The following CCNY variants were observed in gnomAD, a reference collection of about 807,000 sequenced individuals.
CCNY encodes the protein cyclin Y, also known as cyclin-Y.
A neutral mutation model predicts 42.8 loss-of-function variants in CCNY; 19 were observed. The ratio of observed to expected loss-of-function variants is 0.44; its 90% CI spans 0.31 to 0.65. The LOEUF is 0.65. Among genes scored for constraint, CCNY ranks in the 30% least tolerant of loss-of-function variants. The probability of loss-of-function intolerance (pLI) is 0.07; values close to 1 mark genes in which losing one functional copy is unlikely to be tolerated. For missense variants in CCNY, 370 were observed against 437.3 expected (o/e 0.85, Z 1.37); for synonymous variants, 165 against 162.7 (o/e 1.01, Z -0.11).
intron 3 of CCNY, among the ~76,000 whole-genome samples, chr10:35,306,542 A>G (rs968799460): frequency 8.5e-5 from 13 of 152,314 alleles, no homozygotes; most frequent in African/African-American, 2.9e-4. Context: ...GCACAAGGGC[A>G]AACCCACACA....
At chr10:35,272,233 T>C (rs927983149) in intron 3 of CCNY, among the ~76,000 whole-genome samples, 5 of 152,044 alleles carry the variant, frequency 3.3e-5, no homozygotes, top group African/African-American at 1.2e-4. Context: ...GTGATCTGCC[T>C]GCCTCGGCCT....
chr10:35,391,153 A>T (rs1837404503), intron 1 of CCNY, among the ~76,000 whole-genome samples: 1 of 152,250 alleles, frequency 6.6e-6, no homozygotes, highest in South Asian at 2.1e-4. Flanking sequence ...TGCTCATTGC[A>T]GATGGAACAA....
chr10:35,438,582 A>G (rs1380405134), intron 1 of CCNY, among the ~76,000 whole-genome samples: 5 of 152,170 alleles, frequency 3.3e-5, no homozygotes, highest in Admixed American at 3.3e-4. Flanking sequence ...ATTTTTGTTT[A>G]TAACAAGTCA....
At chr10:35,350,012 G>A (rs150389943) in intron 1 of CCNY, among the ~76,000 whole-genome samples, 2,031 of 152,300 alleles carry the variant, frequency 0.013, 21 homozygotes, top group Non-Finnish European at 0.022. Context: ...GCTGCCATTA[G>A]CATCAGATTT....
At chr10:35,373,181 C>T (rs753405748) in intron 1 of CCNY, among the ~76,000 whole-genome samples, 8 of 152,172 alleles carry the variant, frequency 5.3e-5, no homozygotes, top group Non-Finnish European at 8.8e-5. Flanking sequence ...CTTCCTGGTG[C>T]GGTTTTGGGT....
intron 3 of CCNY, among the ~76,000 whole-genome samples, chr10:35,270,154 C>G (rs1835145253): frequency 6.6e-6 from 1 of 152,148 alleles, no homozygotes; most frequent in South Asian, 2.1e-4. Flanking sequence ...TCCTCTGCTT[C>G]TGAGCCCTTA....
Position 35,529,934 on chromosome 10 carries a change from C to G in CCNY, c.402-39C>G, listed in dbSNP as rs1255648303. On this transcript the variant is annotated intron_variant, in intron 5 of 9. Transcript: ENST00000374704. ...TTGTTTTATTTGAATGACATTCTTG[C>G]AGAAAGTAAGTTTCATTTTCTATTA... The G allele has an allele frequency of 2.6e-6, 4 of 1,526,748 alleles. No individual in the cohort carries two copies. The Admixed American group carries it at 5.2e-5, about 20-fold the overall frequency. 94.6% of individuals were successfully genotyped at this position (1,526,748 alleles called of 1,614,324 possible). A position where few individuals can be genotyped will look rare whatever the true frequency, so the allele number is the denominator to read the frequency against.
intron 7 of CCNY, among the ~76,000 whole-genome samples, chr10:35,537,012 A>T (rs561755557): frequency 6.6e-6 from 1 of 152,258 alleles, no homozygotes; most frequent in East Asian, 1.9e-4. Flanking sequence ...ACAGGCCTGG[A>T]GGTCTAGGAG....
At chr10:35,312,301 A>G (rs924787672) in intron 3 of CCNY, among the ~76,000 whole-genome samples, 3 of 142,730 alleles carry the variant, frequency 2.1e-5, no homozygotes, top group Admixed American at 1.5e-4. Flanking sequence ...GAATCGCTTG[A>G]GCCCAGGAGG....
intron 1 of CCNY, among the ~76,000 whole-genome samples, chr10:35,379,024 T>C (rs183340704): frequency 6.6e-6 from 1 of 151,730 alleles, no homozygotes; most frequent in Non-Finnish European, 1.5e-5. Context: ...TTGAAAGGAG[T>C]ATGCAGGGTC....
chr10:35,492,143 C>T (rs1471743727), intron 2 of CCNY, among the ~76,000 whole-genome samples: 2 of 152,198 alleles, frequency 1.3e-5, no homozygotes, highest in Admixed American at 1.3e-4. Context: ...CACCTGTCTG[C>T]AAGTGGAGCT....
intron 7 of CCNY, among the ~76,000 whole-genome samples, chr10:35,538,311 T>C (rs1389101140): frequency 2.0e-5 from 3 of 152,236 alleles, no homozygotes; most frequent in African/African-American, 4.8e-5. Flanking sequence ...GCATATGTCT[T>C]CATTTCTTTT....
rs968548797 is a variant in CCNY at position 35,551,098 on chromosome 10, C to T, written c.580-1921C>T. ...AACACACCTACCTAGCTGTGCAAGC[C>T]GGGAGCTGGGGGTCTTCCAGAGCAG... On this transcript the variant is annotated intron_variant, in intron 7 of 9. Coordinates refer to ENST00000374704, the MANE Select transcript of CCNY (RefSeq NM_145012.6). Among the ~76,000 whole-genome samples the T allele has an allele frequency of 3.3e-5, 5 of 152,178 alleles. No homozygotes were observed. The East Asian group carries it at 7.7e-4, about 23-fold the overall frequency.
At chr10:35,490,872 G>A (rs1839881475) in intron 2 of CCNY, among the ~76,000 whole-genome samples, 1 of 152,186 alleles carries the variant, frequency 6.6e-6, no homozygotes, top group African/African-American at 2.4e-5. Flanking sequence ...AAGTTGTGAG[G>A]GAGGAAGGTG....
intron 1 of CCNY, among the ~76,000 whole-genome samples, chr10:35,450,127 A>G (rs939578174): frequency 5.9e-5 from 9 of 151,750 alleles, no homozygotes. Context: ...TAGAGAAGAA[A>G]GCAAGGATGT....
intron 1 of CCNY, among the ~76,000 whole-genome samples, chr10:35,442,468 C>T (rs1838692476): frequency 6.6e-6 from 1 of 152,126 alleles, no homozygotes; most frequent in African/African-American, 2.4e-5. Flanking sequence ...TACAAATTGC[C>T]TGGATAGGAG....
At chr10:35,532,553 T>A (rs1840790586) in intron 7 of CCNY, among the ~76,000 whole-genome samples, 2 of 152,238 alleles carry the variant, frequency 1.3e-5, no homozygotes, top group Admixed American at 6.5e-5. Context: ...ACTAAGTGTA[T>A]TTTTTAGCCT....
intron 1 of CCNY, among the ~76,000 whole-genome samples, chr10:35,362,041 G>GTT (rs766906867): frequency 2.6e-4 from 40 of 152,232 alleles, no homozygotes; most frequent in Non-Finnish European, 5.1e-4. Flanking sequence ...TTACTTTCAG[G>GTT]TTATGTGTAT....
At chr10:35,465,648 G>A (rs1330006119) in intron 1 of CCNY, among the ~76,000 whole-genome samples, 2 of 152,106 alleles carry the variant, frequency 1.3e-5, no homozygotes, top group African/African-American at 4.8e-5. Flanking sequence ...TGCCTTGCGT[G>A]TCTACTGGCA....
Sources: allele counts gnomAD v4.1 joint callset (sites outside exome capture counted in the v4.1 genomes callset), GRCh38; gene constraint gnomAD v4.1.1; transcripts MANE v1.5; gene names NCBI Gene and HGNC (gene_info 2026-07-23, HGNC 2026-07-21).